The following ZWILCH variants were observed in gnomAD, a reference collection of about 807,000 sequenced individuals.
ZWILCH encodes the protein protein zwilch homolog.
Under a neutral mutation model 79.9 loss-of-function variants are expected in ZWILCH, and 74 were observed. That is an observed-to-expected ratio of 0.93 (90% CI 0.77 to 1.12). The LOEUF (loss-of-function observed/expected upper bound fraction) is 1.12. Ranked by LOEUF, ZWILCH falls within the 50% of genes most tolerant of loss-of-function variation. The probability of loss-of-function intolerance (pLI) is 0.00; values close to 1 mark genes in which losing one functional copy is unlikely to be tolerated. For synonymous variants in ZWILCH, 241 were observed against 228.2 expected (o/e 1.06, Z -0.51); for missense variants, 694 against 687.5 (o/e 1.01, Z -0.11).
intron 8 of ZWILCH, among the ~76,000 whole-genome samples, chr15:66,524,974 A>C (rs1334725871): frequency 6.6e-6 from 1 of 152,062 alleles, no homozygotes; most frequent in African/African-American, 2.4e-5. Flanking sequence ...CCAAACCCTC[A>C]TCTTTAAGCT....
At position 66,519,093 on chromosome 15, in the gene ZWILCH, T is replaced by C; in HGVS notation, c.520+15T>C. The stretch of plus-strand genomic sequence containing the variant: ...CAGTTGTAAAGGTGAGTGCTCTCTC[T>C]AGAGAGTGTGTGTGTGTATTTATTC... On this transcript the variant is annotated intron_variant, in intron 5 of 18. Transcript: ENST00000307897. 1.2e-6 allele frequency: 2 copies of C among 1,608,564 alleles called. No individual in the cohort carries two copies. The highest frequency in any genetic ancestry group is 1.7e-6 in the Non-Finnish European group (2 of 1,174,928).
In ZWILCH at chr15:66,514,013, G is replaced by C; in HGVS notation, c.131G>C (p.Ser44Thr). 1 of 1,612,054 alleles carries C rather than the reference G, an allele frequency of 6.2e-7. No individual in the cohort carries two copies. The highest frequency in any genetic ancestry group is 8.5e-7 in the Non-Finnish European group (1 of 1,179,100). The part of the protein sequence containing the change: ...YEADVQVQLI[S>T]KGQPNPLKNI... ...GCTGATGTCCAAGTGCAGTTGATCA[G>C]CAAAGGCCAACCAAACCCTTTGAAA... Residue 44 changes from serine (S) to threonine (T), a missense_variant, in exon 3 of 19, where the codon AGC becomes ACC. Transcript: ENST00000307897.
intron 3 of ZWILCH, among the ~76,000 whole-genome samples, chr15:66,515,324 A>G (rs1186899824): frequency 6.6e-6 from 1 of 152,196 alleles, no homozygotes; most frequent in East Asian, 1.9e-4. Flanking sequence ...TTTATAGGAC[A>G]GTTGAAATGC....
chr15:66,530,158 A>C (rs1366050721), intron 12 of ZWILCH, among the ~76,000 whole-genome samples: 1 of 152,252 alleles, frequency 6.6e-6, no homozygotes, highest in Non-Finnish European at 1.5e-5. Flanking sequence ...TGATATAGCT[A>C]CATATGGCAC....
rs973654276 is a variant in ZWILCH at position 66,517,626 on chromosome 15, A to G, written c.321-1253A>G. Among the ~76,000 whole-genome samples the G allele has an allele frequency of 8.7e-5, 13 of 149,418 alleles. No individual in the cohort carries two copies. In the South Asian group the frequency reaches 2.3e-3, roughly 27 times the overall value. ...TCTGGAAATCTAACATTATTACAAT[A>G]CCATTACCTAATCAGAGCCCATATT... is the stretch of plus-strand genomic sequence containing the variant. On this transcript the variant is annotated intron_variant, in intron 4 of 18. Transcript: ENST00000307897.
chr15:66,532,279 G>T lies in ZWILCH; in HGVS notation c.1188G>T (p.Lys396Asn). 1 of 1,601,392 alleles carries T rather than the reference G, an allele frequency of 6.2e-7. No homozygotes were observed. Reference protein sequence around the residue: ...LHSGSNSLLSKLIHQSYHGTM... With the variant: ...LHSGSNSLLSNLIHQSYHGTM... ...GTGGAAGTAACAGTTTACTAAGTAA[G>T]CTCATTCATCAGTCTTATCATGGAA... Residue 396 changes from lysine (K) to asparagine (N), a missense_variant, in exon 13 of 19, where the codon AAG (lysine) becomes AAT (asparagine). Transcript: ENST00000307897.
intron 2 of ZWILCH, among the ~76,000 whole-genome samples, chr15:66,510,397 A>C (rs867270391): frequency 1.3e-5 from 2 of 149,408 alleles, no homozygotes; most frequent in African/African-American, 5.0e-5. Flanking sequence ...AAAAAAAAAA[A>C]AATATCAATG....
At chr15:66,533,071 C>A in intron 14 of ZWILCH, 58 bp downstream of exon 14, 1 of 1,209,526 alleles carries the variant, frequency 8.3e-7, no homozygotes, top group Non-Finnish European at 1.2e-6. Flanking sequence ...ATTCTGTGTG[C>A]AGTTATTAAC....
chr15:66,548,535 G>A lies in ZWILCH; in HGVS notation c.*211G>A. 2 of 1,613,360 alleles carry A rather than the reference G, an allele frequency of 1.2e-6. No individual in the cohort carries two copies. The highest frequency in any genetic ancestry group is 1.7e-6 in the Non-Finnish European group (2 of 1,179,358). On this transcript the variant is annotated 3_prime_UTR_variant, in exon 19 of 19. Coordinates refer to ENST00000307897, the MANE Select transcript of ZWILCH (RefSeq NM_017975.5). ...GGAGCATTAGTAGAACAGCAGTGAT[G>A]AGGACACAGAGGGAGCAGACAGTGG...
chr15:66,511,042 C>T (rs145950514), intron 2 of ZWILCH, among the ~76,000 whole-genome samples: 36 of 152,294 alleles, frequency 2.4e-4, no homozygotes, highest in African/African-American at 8.2e-4. Flanking sequence ...CACAACAGTA[C>T]CTGAAACTCC....
intron 1 of ZWILCH, among the ~76,000 whole-genome samples, chr15:66,507,765 TAA>T (rs1893880230): frequency 6.6e-6 from 1 of 152,014 alleles, no homozygotes; most frequent in South Asian, 2.1e-4. Context: ...CCATCTCTAC[TAA>T]AAATACAAAA....
Position 66,509,039 on chromosome 15 carries a change from A to G in ZWILCH, c.105+147A>G, listed in dbSNP as rs879610628. ...ACTGCAAGCTCCGGCTCCCGGGTTC[A>G]CGCCATTCTCCTGCCTCAGCCTCCC... is the stretch of plus-strand genomic sequence containing the variant. On this transcript the variant is annotated intron_variant, in intron 2 of 18. Coordinates refer to ENST00000307897, the MANE Select transcript of ZWILCH (RefSeq NM_017975.5). The G allele has an allele frequency of 6.4e-5, 49 of 767,710 alleles. No homozygotes were observed. In the African/African-American group the frequency reaches 7.1e-4, roughly 11 times the overall value. 47.6% of individuals were successfully genotyped at this position (767,710 alleles called of 1,614,324 possible).
At chr15:66,511,224 A>C (rs1424130209) in intron 2 of ZWILCH, among the ~76,000 whole-genome samples, 1 of 152,142 alleles carries the variant, frequency 6.6e-6, no homozygotes, top group Admixed American at 6.5e-5. Flanking sequence ...GGTGGCTCAC[A>C]CCTGTAATCC....
Position 66,540,211 on chromosome 15 carries a change from G to C in ZWILCH, c.1687+1G>C, listed in dbSNP as rs1323843266. The C allele has an allele frequency of 6.3e-7, 1 of 1,597,708 alleles. No homozygotes were observed. The highest frequency in any genetic ancestry group is 1.1e-5 in the South Asian group (1 of 90,290). On this transcript the variant is annotated splice_donor_variant, in intron 17 of 18. Coordinates refer to ENST00000307897, the MANE Select transcript of ZWILCH (RefSeq NM_017975.5). LOFTEE classifies it high-confidence loss of function. ...GACCATCTGAATTTTCACAAACCTG[G>C]TAAAGATGGTTTATAATCTGTTCAG...
Position 66,517,430 on chromosome 15 carries a change from G to GTGTGTGTGTGTA in ZWILCH, c.321-1448_321-1447insGTGTGTGTGTAT. Among the ~76,000 whole-genome samples the GTGTGTGTGTGTA allele has an allele frequency of 1.7e-4, 11 of 66,518 alleles. No individual in the cohort carries two copies. In the East Asian group the frequency reaches 4.5e-3, roughly 27 times the overall value. 43.6% of individuals were successfully genotyped at this position (66,518 alleles called of 152,430 possible). ...TGTTTGTGTGTGCGTGTGTGTGTGT[G>GTGTGTGTGTGTA]TATATATATATATATATATATATAT... On this transcript the variant is annotated intron_variant, in intron 4 of 18. Coordinates refer to ENST00000307897, the MANE Select transcript of ZWILCH (RefSeq NM_017975.5).
intron 2 of ZWILCH, among the ~76,000 whole-genome samples, chr15:66,511,494 C>CAAAAAAAAAAAAAAAAAATAAAAAA (rs368695686): frequency 1.2e-5 from 1 of 86,308 alleles, no homozygotes. Context: ...GCCTGTCTTC[C>CAAAAAAAAAAAAAAAAAATAAAAAA]AAAAAAAAAA....
At chr15:66,534,182 C>CTTTT (rs148254176) in intron 14 of ZWILCH, among the ~76,000 whole-genome samples, 7 of 151,942 alleles carry the variant, frequency 4.6e-5, no homozygotes, top group African/African-American at 1.5e-4. Flanking sequence ...TCATTATTCT[C>CTTTT]TTTTTTTTCT....
chr15:66,506,354 A>T (rs192864423), intron 1 of ZWILCH, among the ~76,000 whole-genome samples: 31 of 151,796 alleles, frequency 2.0e-4, no homozygotes, highest in African/African-American at 6.8e-4. Flanking sequence ...ATAGTATTTC[A>T]CTCTATGGCT....
chr15:66,533,478 G>T (rs1358881009), intron 14 of ZWILCH, among the ~76,000 whole-genome samples: 1 of 152,088 alleles, frequency 6.6e-6, no homozygotes, highest in African/African-American at 2.4e-5. Context: ...ACTTCAGAAA[G>T]TTGAATAGTG....
Sources: gnomAD v4.1 joint callset for allele counts (sites outside exome capture counted in the v4.1 genomes callset) on GRCh38, gnomAD v4.1.1 for gene constraint, MANE v1.5 for transcripts, NCBI Gene and HGNC (gene_info 2026-07-23, HGNC 2026-07-21) for gene names.